TENM2: variants seen among roughly 807,000 people sequenced by gnomAD.
TENM2 encodes the protein teneurin transmembrane protein 2, also known as teneurin-2.
A neutral mutation model predicts 245.2 loss-of-function variants in TENM2; 52 were observed. That is an observed-to-expected ratio of 0.21 (90% confidence interval 0.17 to 0.27). The LOEUF (loss-of-function observed/expected upper bound fraction) is 0.27. Ranked by LOEUF, TENM2 falls within the 10% of genes least tolerant of loss-of-function variation. The pLI is 1.00. For missense variants in TENM2, 3,046 were observed against 3,666.8 expected (o/e 0.83, Z 4.37); for synonymous variants, 1,363 against 1,438.9 (o/e 0.95, Z 1.19).
At chr5:167,446,688 A>G (rs1486857889) in intron 2 of TENM2, among the ~76,000 whole-genome samples, 2 of 42,190 alleles carry the variant, frequency 4.7e-5, no homozygotes, top group Non-Finnish European at 1.0e-4. Context: ...GAGTAAACCT[A>G]TCAACTTTTT....
chr5:167,422,059 G>A (rs1359695237), intron 2 of TENM2, among the ~76,000 whole-genome samples: 1 of 152,078 alleles, frequency 6.6e-6, no homozygotes. Context: ...CAAAGTGCTG[G>A]GATTACAGGC....
chr5:168,058,639 A>C (rs1403232706), intron 6 of TENM2, among the ~76,000 whole-genome samples: 2 of 152,166 alleles, frequency 1.3e-5, no homozygotes, highest in Non-Finnish European at 2.9e-5. Flanking sequence ...ATTCCAGAAA[A>C]ATAAGACTCT....
chr5:167,076,728 C>G, the TENM2 span, among the ~76,000 whole-genome samples: 1 of 152,134 alleles, frequency 6.6e-6, no homozygotes, highest in African/African-American at 2.4e-5. Flanking sequence ...ATTAGCACCC[C>G]CCTGTTGAAA....
intron 1 of TENM2, chr5:167,306,380 C>A (rs1405953929): frequency 6.6e-6 from 1 of 152,096 alleles, no homozygotes; most frequent in Admixed American, 6.5e-5. Context: ...TAAGTACTGG[C>A]TTCTTGCTCC....
At chr5:167,143,814 T>C in the TENM2 span, among the ~76,000 whole-genome samples, 2 of 152,186 alleles carry the variant, frequency 1.3e-5, no homozygotes, top group Admixed American at 1.3e-4. Flanking sequence ...ACTAATTATA[T>C]CCACATATAT....
At chr5:167,914,424 C>G (rs1478568513) in intron 3 of TENM2, among the ~76,000 whole-genome samples, 1 of 152,184 alleles carries the variant, frequency 6.6e-6, no homozygotes, top group Non-Finnish European at 1.5e-5. Context: ...TCCTGTCTCT[C>G]TGGTTCTCTC....
the TENM2 span, among the ~76,000 whole-genome samples, chr5:167,202,646 C>G: frequency 5.7e-3 from 867 of 152,296 alleles, 13 homozygotes; most frequent in African/African-American, 0.019. Flanking sequence ...GCTAATGACT[C>G]CATCATCCTC....
chr5:167,042,365 G>A, the TENM2 span, among the ~76,000 whole-genome samples: 297 of 152,246 alleles, frequency 2.0e-3, 2 homozygotes, highest in African/African-American at 7.0e-3. Context: ...TGTATCTCTG[G>A]AGGTTTTGAT....
At chr5:167,863,061 G>A (rs1771969821) in intron 2 of TENM2, among the ~76,000 whole-genome samples, 1 of 152,128 alleles carries the variant, frequency 6.6e-6, no homozygotes, top group Non-Finnish European at 1.5e-5. Flanking sequence ...TCATATCTTG[G>A]CTTTGCGCAT....
chr5:167,286,666 A>G (rs1375919438), intron 1 of TENM2, among the ~76,000 whole-genome samples: 2 of 152,124 alleles, frequency 1.3e-5, no homozygotes, highest in African/African-American at 4.8e-5. Flanking sequence ...TTGTTCCTGC[A>G]TACGTTTTTG....
intron 2 of TENM2, among the ~76,000 whole-genome samples, chr5:167,747,538 G>A (rs1393069357): frequency 6.6e-6 from 1 of 152,168 alleles, no homozygotes; most frequent in African/African-American, 2.4e-5. Context: ...ACCTCACGCT[G>A]ATACTCAGCT....
intron 2 of TENM2, among the ~76,000 whole-genome samples, chr5:167,844,653 A>G (rs138276757): frequency 2.6e-5 from 4 of 152,312 alleles, no homozygotes; most frequent in South Asian, 2.1e-4. Flanking sequence ...CAACTGAAAT[A>G]TAGCAAATTA....
intron 2 of TENM2, among the ~76,000 whole-genome samples, chr5:167,838,785 C>G (rs906335766): frequency 1.3e-5 from 2 of 152,150 alleles, no homozygotes; most frequent in African/African-American, 2.4e-5. Flanking sequence ...TTCTATAAGT[C>G]TAAAGCAAAA....
intron 2 of TENM2, among the ~76,000 whole-genome samples, chr5:167,475,455 A>C: frequency 6.6e-6 from 1 of 152,192 alleles, no homozygotes; most frequent in East Asian, 1.9e-4. Context: ...CATATTTAAA[A>C]ATTTATTTAA....
chr5:167,188,445 T>G, the TENM2 span, among the ~76,000 whole-genome samples: 2 of 152,300 alleles, frequency 1.3e-5, no homozygotes, highest in East Asian at 3.9e-4. Flanking sequence ...TATTTCCTTT[T>G]TTAGACTCTA....
the TENM2 span, among the ~76,000 whole-genome samples, chr5:167,227,184 G>T: frequency 9.9e-5 from 15 of 152,042 alleles, no homozygotes; most frequent in African/African-American, 3.4e-4. Flanking sequence ...GAAGGTTATT[G>T]TTGATAAGTG....
chr5:167,285,858 G>A (rs1397247146), intron 1 of TENM2, among the ~76,000 whole-genome samples: 1 of 152,216 alleles, frequency 6.6e-6, no homozygotes, highest in Non-Finnish European at 1.5e-5. Context: ...CTCTGCCAGT[G>A]CCAAAGGGCT....
chr5:167,378,861 T>C (rs1760925419), intron 2 of TENM2, among the ~76,000 whole-genome samples: 1 of 120,220 alleles, frequency 8.3e-6, no homozygotes, highest in South Asian at 2.9e-4. Context: ...ACTTAAAAAT[T>C]TCCTTTTTTT....
At chr5:167,112,195 C>CA in the TENM2 span, among the ~76,000 whole-genome samples, 1 of 152,234 alleles carries the variant, frequency 6.6e-6, no homozygotes, top group Non-Finnish European at 1.5e-5. Context: ...CCAATGTACC[C>CA]AAAAAATCAT....
Sources: gnomAD v4.1 joint callset for allele counts (sites outside exome capture counted in the v4.1 genomes callset) on GRCh38, gnomAD v4.1.1 for gene constraint, MANE v1.5 for transcripts, NCBI Gene and HGNC (gene_info 2026-07-23, HGNC 2026-07-21) for gene names.